VIT: variants seen among roughly 807,000 people sequenced by gnomAD.
VIT encodes vitrin.
VIT carries 99 observed loss-of-function variants against 78.0 expected under a neutral mutation model. The observed-to-expected ratio is 1.27, with a 90% confidence interval of 1.08 to 1.50. VIT has a LOEUF of 1.50. Among genes scored for constraint, VIT ranks in the 40% most tolerant of loss-of-function variants. The probability of loss-of-function intolerance (pLI) is 0.00; values close to 1 mark genes in which losing one functional copy is unlikely to be tolerated. For missense variants in VIT, 1,126 were observed against 875.3 expected (o/e 1.29, Z -3.61); for synonymous variants, 374 against 334.3 (o/e 1.12, Z -1.29).
At position 36,770,859 on chromosome 2, in the gene VIT, A is replaced by C. The variant is rs1669702952; in HGVS notation, c.680-2932A>C. 2.0e-5 allele frequency among the ~76,000 whole-genome samples: 3 copies of C among 152,228 alleles called. No individual in the cohort carries two copies. In the South Asian group the frequency reaches 6.2e-4, roughly 31 times the overall value. ...GCTAGCATTGAACTTGTCCACAACC[A>C]AGGGTAGACCAGGGAGGGGAGAAGA... is the stretch of plus-strand genomic sequence containing the variant. On this transcript the variant is annotated intron_variant, in intron 7 of 15. Coordinates refer to ENST00000379242, the MANE Select transcript of VIT (RefSeq NM_053276.4).
At chr2:36,735,126 T>C (rs922803408) in intron 3 of VIT, among the ~76,000 whole-genome samples, 1 of 150,008 alleles carries the variant, frequency 6.7e-6, no homozygotes, top group African/African-American at 2.5e-5. Flanking sequence ...GCACCACTGC[T>C]CTCCAGCCGG....
intron 9 of VIT, among the ~76,000 whole-genome samples, chr2:36,776,528 C>T (rs968628792): frequency 3.3e-5 from 5 of 152,060 alleles, no homozygotes; most frequent in Admixed American, 2.0e-4. Flanking sequence ...AGGCCGGGTG[C>T]GGTGGTTCAC....
At chr2:36,794,927 G>A (rs1201710036) in intron 12 of VIT, among the ~76,000 whole-genome samples, 1 of 152,142 alleles carries the variant, frequency 6.6e-6, no homozygotes, top group African/African-American at 2.4e-5. Flanking sequence ...TCTGAAGATG[G>A]ATTCATCATC....
At chr2:36,704,345 T>C (rs1037905204) in intron 1 of VIT, among the ~76,000 whole-genome samples, 17 of 152,234 alleles carry the variant, frequency 1.1e-4, no homozygotes, top group African/African-American at 4.1e-4. Flanking sequence ...GTGTACCATG[T>C]GCAGCATATA....
At chr2:36,758,217 C>T (rs1017243289) in intron 5 of VIT, among the ~76,000 whole-genome samples, 10 of 152,214 alleles carry the variant, frequency 6.6e-5, no homozygotes, top group Non-Finnish European at 1.2e-4. Flanking sequence ...AACTGCTTCA[C>T]GCCAGGAACA....
chr2:36,745,838 T>G (rs1668101975), intron 4 of VIT, among the ~76,000 whole-genome samples: 1 of 152,204 alleles, frequency 6.6e-6, no homozygotes, highest in Admixed American at 6.5e-5. Flanking sequence ...CTTCTAGTAC[T>G]ATGTGAAATA....
Position 36,729,411 on chromosome 2 carries a change from A to C in VIT, c.53-15A>C. 3 of 1,586,120 alleles carry C rather than the reference A, an allele frequency of 1.9e-6. No individual in the cohort carries two copies. The highest frequency in any genetic ancestry group is 2.6e-6 in the Non-Finnish European group (3 of 1,170,970). ...AATAAAATTGATTAAATTTTTAAAA[A>C]TTTTCTTCATGTAGTTTTGCTGGTG... On this transcript the variant is annotated splice_polypyrimidine_tract_variant and intron_variant, in intron 2 of 15. Transcript: ENST00000379242.
At chr2:36,709,249 G>A (rs989000608) in intron 1 of VIT, among the ~76,000 whole-genome samples, 2 of 152,176 alleles carry the variant, frequency 1.3e-5, no homozygotes, top group Non-Finnish European at 2.9e-5. Context: ...TATGGCAAGG[G>A]GAGAAATGCA....
At chr2:36,770,359 A>C (rs1456760950) in intron 7 of VIT, among the ~76,000 whole-genome samples, 4 of 152,320 alleles carry the variant, frequency 2.6e-5, no homozygotes, top group East Asian at 1.9e-4. Flanking sequence ...GATACAACAC[A>C]TGGGAACTTG....
intron 12 of VIT, among the ~76,000 whole-genome samples, chr2:36,798,784 T>A (rs57032858): frequency 0.038 from 5,828 of 151,990 alleles, 276 homozygotes; most frequent in East Asian, 0.18. Context: ...ATAAAATTTT[T>A]AAAAAATGAA....
chr2:36,763,325 C>T (rs903570248), intron 6 of VIT, among the ~76,000 whole-genome samples: 8 of 152,218 alleles, frequency 5.3e-5, no homozygotes, highest in African/African-American at 1.9e-4. Context: ...TGGAGCTCTT[C>T]CGACCACACC....
rs184820580 is a variant in VIT at position 36,702,255 on chromosome 2, G to C, written c.-19+5282G>C. ...CAAGCTGAAGGAGCAGGAAAGGGAA[G>C]CCCAAGGGTGCGCTTTGGACAAGCA... On this transcript the variant is annotated intron_variant, in intron 1 of 15. Coordinates refer to ENST00000379242, the MANE Select transcript of VIT (RefSeq NM_053276.4). 8.6e-3 allele frequency among the ~76,000 whole-genome samples: 1,304 copies of C among 152,174 alleles called. 12 individuals are homozygous for C. The highest frequency in any genetic ancestry group is 0.024 in the South Asian group (115 of 4,810).
chr2:36,707,628 G>A (rs1490603022), intron 1 of VIT, among the ~76,000 whole-genome samples: 1 of 152,164 alleles, frequency 6.6e-6, no homozygotes, highest in Non-Finnish European at 1.5e-5. Context: ...CCTCTCAGTG[G>A]CCGGGCTGCA....
intron 12 of VIT, 70 bp from the exon 13 acceptor site, chr2:36,801,231 C>G (rs1666299408): frequency 7.3e-7 from 1 of 1,367,180 alleles, no homozygotes; most frequent in Non-Finnish European, 1.0e-6. Flanking sequence ...AAGAATCAAC[C>G]ATGATCTCTG....
At chr2:36,766,965 C>T in intron 6 of VIT, 129 bp from the exon 7 acceptor site, 2 of 1,087,276 alleles carry the variant, frequency 1.8e-6, no homozygotes, top group Non-Finnish European at 2.4e-6. Context: ...ACCTGGGTTT[C>T]ACCCTTCACC....
chr2:36,771,051 C>T (rs1572510242), intron 7 of VIT, among the ~76,000 whole-genome samples: 1 of 152,184 alleles, frequency 6.6e-6, no homozygotes, highest in Non-Finnish European at 1.5e-5. Flanking sequence ...GTTTCCCTTA[C>T]CAACACTCAT....
chr2:36,699,000 T>TA (rs67982972), intron 1 of VIT, among the ~76,000 whole-genome samples: 95,042 of 148,870 alleles, frequency 0.64, 30,623 homozygotes, highest in East Asian at 0.93. Context: ...CCCCACATAT[T>TA]AAAAAAAAAA....
At chr2:36,707,330 G>A (rs969565910) in intron 1 of VIT, among the ~76,000 whole-genome samples, 11 of 152,024 alleles carry the variant, frequency 7.2e-5, no homozygotes, top group African/African-American at 1.5e-4. Flanking sequence ...GACTTTTCTC[G>A]TGGTCACAAG....
chr2:36,729,498 A>G lies in VIT; in HGVS notation c.118+7A>G, dbSNP rs764964496. ...ATTAAAAGGCCCAAGTTCAGTAAGT[A>G]AAATCACAATTCCTTGCTGGCATAA... On this transcript the variant is annotated splice_region_variant and intron_variant, in intron 3 of 15. Coordinates refer to ENST00000379242, the MANE Select transcript of VIT (RefSeq NM_053276.4). 4 of 1,609,106 alleles carry G rather than the reference A, an allele frequency of 2.5e-6. No individual in the cohort carries two copies. The South Asian group carries it at 4.5e-5, about 18-fold the overall frequency.
Sources: gnomAD v4.1 joint callset for allele counts (sites outside exome capture counted in the v4.1 genomes callset) on GRCh38, gnomAD v4.1.1 for gene constraint, MANE v1.5 for transcripts, NCBI Gene and HGNC (gene_info 2026-07-23, HGNC 2026-07-21) for gene names.